The following ZBTB7C variants were observed in gnomAD, a reference collection of about 807,000 sequenced individuals.
ZBTB7C encodes the protein zinc finger and BTB domain containing 7C, also known as zinc finger and BTB domain-containing protein 7C.
ZBTB7C carries 8 observed loss-of-function variants against 25.7 expected under a neutral mutation model. That is an observed-to-expected ratio of 0.31 (90% confidence interval 0.18 to 0.56). The LOEUF (loss-of-function observed/expected upper bound fraction) is 0.56. ZBTB7C is among the 20% of genes least tolerant of loss of function. ZBTB7C has a pLI of 0.91. For missense variants in ZBTB7C, 824 were observed against 855.2 expected (o/e 0.96, Z 0.46); for synonymous variants, 394 against 369.0 (o/e 1.07, Z -0.78).
At chr18:48,124,427 T>C (rs2144737280) in intron 3 of ZBTB7C, among the ~76,000 whole-genome samples, 1 of 152,370 alleles carries the variant, frequency 6.6e-6, no homozygotes, top group Non-Finnish European at 1.5e-5. Context: ...GGTGTTTTGT[T>C]ACTAATTATC....
rs2035561853 is a variant in ZBTB7C at position 48,027,435 on chromosome 18, G to A, written c.*1825C>T. 6.6e-6 allele frequency: 1 copy of A among 151,996 alleles called. No homozygotes were observed. The highest frequency in any genetic ancestry group is 2.4e-5 in the African/African-American group (1 of 41,372). The allele number at this position is 151,996 out of a possible 1,614,324, so 9.4% of individuals were successfully genotyped here. ...CTTGGCTGATGGGGGGGAACACGGG[G>A]GCACGTTGGCTGGTGGACATGGGCA... On this transcript the variant is annotated 3_prime_UTR_variant, in exon 5 of 5. Transcript: ENST00000590800.
rs1456651329 is a variant in ZBTB7C, at chr18:48,027,816, AAAGAG to A, written c.*1439_*1443del. On this transcript the variant is annotated 3_prime_UTR_variant, in exon 5 of 5. Coordinates refer to ENST00000590800, the MANE Select transcript of ZBTB7C (RefSeq NM_001318841.2). ...AGAAACCAAAGCAAACTTGGCAAGA[AAAGAG>A]AGGGGAGGGAAGGAGAGAGAAGGTC... is the stretch of plus-strand genomic sequence containing the variant. 1 of 152,276 alleles carries A rather than the reference AAAGAG, an allele frequency of 6.6e-6. No homozygotes were observed. The highest frequency in any genetic ancestry group is 2.4e-5 in the African/African-American group (1 of 41,442). The allele number at this position is 152,276 out of a possible 1,614,324, so 9.4% of individuals were successfully genotyped here. A position where few individuals can be genotyped will look rare whatever the true frequency, so the allele number is the denominator to read the frequency against.
intron 1 of ZBTB7C, among the ~76,000 whole-genome samples, chr18:48,396,969 T>C (rs1432975276): frequency 5.3e-5 from 8 of 152,232 alleles, no homozygotes. Context: ...GTGCTGTTTG[T>C]TACATTTTTA....
At chr18:48,076,801 A>G (rs1230404661) in intron 3 of ZBTB7C, 1 of 365,280 alleles carries the variant, frequency 2.7e-6, no homozygotes, top group Non-Finnish European at 3.8e-6. Context: ...AGGGGTCCCA[A>G]AATGCACTGC....
chr18:48,193,640 C>T (rs373923204), intron 2 of ZBTB7C, among the ~76,000 whole-genome samples: 52 of 152,310 alleles, frequency 3.4e-4, no homozygotes, highest in Middle Eastern at 3.4e-3. Context: ...GAGATGACTC[C>T]CCTGGCTGCT....
At chr18:48,057,699 G>A (rs561770518) in intron 3 of ZBTB7C, among the ~76,000 whole-genome samples, 2 of 152,302 alleles carry the variant, frequency 1.3e-5, no homozygotes, top group Admixed American at 6.5e-5. Flanking sequence ...CTTCTAAATT[G>A]TCTTTGACAT....
chr18:48,116,235 T>C (rs2039436417), intron 3 of ZBTB7C, among the ~76,000 whole-genome samples: 1 of 152,120 alleles, frequency 6.6e-6, no homozygotes, highest in Non-Finnish European at 1.5e-5. Flanking sequence ...AGACGCCCTG[T>C]GCATGTCCCA....
chr18:48,195,124 T>A (rs1472900311), intron 2 of ZBTB7C, among the ~76,000 whole-genome samples: 1 of 152,246 alleles, frequency 6.6e-6, no homozygotes, highest in Non-Finnish European at 1.5e-5. Context: ...GTGAGCTACC[T>A]GAAAGATTTT....
chr18:48,368,755 C>G (rs1011753918), intron 1 of ZBTB7C, among the ~76,000 whole-genome samples: 1 of 151,758 alleles, frequency 6.6e-6, no homozygotes, highest in Non-Finnish European at 1.5e-5. Context: ...GGTTTCTCAT[C>G]AGAAACCATG....
chr18:48,168,184 CG>C (rs1360565578), intron 3 of ZBTB7C, among the ~76,000 whole-genome samples: 1 of 152,192 alleles, frequency 6.6e-6, no homozygotes, highest in African/African-American at 2.4e-5. Flanking sequence ...GGTGAGGCCC[CG>C]GCTGATTAAG....
chr18:48,161,930 C>T (rs998140759), intron 3 of ZBTB7C, among the ~76,000 whole-genome samples: 3 of 151,884 alleles, frequency 2.0e-5, no homozygotes, highest in African/African-American at 7.3e-5. Flanking sequence ...CCTCCCCACC[C>T]GCCCGCCTCC....
In ZBTB7C at chr18:48,129,630, T is replaced by A. The variant is rs1453919060; in HGVS notation, c.-17+56304A>T. On this transcript the variant is annotated intron_variant, in intron 3 of 4. Transcript: ENST00000590800. ...AAACACCCCAAAGCAGTGTCTCTAATGTCACTGGTGTGTGCATTTGCCCGG... is the reference window on the plus strand; with the variant it reads ...AAACACCCCAAAGCAGTGTCTCTAAAGTCACTGGTGTGTGCATTTGCCCGG... 8.5e-4 allele frequency among the ~76,000 whole-genome samples: 130 copies of A among 152,180 alleles called. 1 individual carries two copies. Among genetic ancestry groups the A allele is most frequent in the Non-Finnish European group, 5.9e-5 (4 of 68,026 alleles).
At chr18:48,390,830 G>A (rs1477974646) in intron 1 of ZBTB7C, among the ~76,000 whole-genome samples, 1 of 152,188 alleles carries the variant, frequency 6.6e-6, no homozygotes. Context: ...GGCTGGAGAG[G>A]GCTGTGCAGT....
At chr18:48,116,736 C>T (rs1230813008) in intron 3 of ZBTB7C, among the ~76,000 whole-genome samples, 1 of 152,102 alleles carries the variant, frequency 6.6e-6, no homozygotes, top group Non-Finnish European at 1.5e-5. Context: ...TCATCTATTG[C>T]TGTTGAAATC....
chr18:48,113,378 C>CA (rs2039315275), intron 3 of ZBTB7C, among the ~76,000 whole-genome samples: 1 of 152,128 alleles, frequency 6.6e-6, no homozygotes, highest in African/African-American at 2.4e-5. Context: ...CTGGGAAAGA[C>CA]AAAAAGAGAG....
chr18:48,227,318 G>A (rs2043129993), intron 2 of ZBTB7C, among the ~76,000 whole-genome samples: 1 of 152,206 alleles, frequency 6.6e-6, no homozygotes, highest in Non-Finnish European at 1.5e-5. Flanking sequence ...AGTTTAGAGG[G>A]CACCTTCAAA....
chr18:48,188,902 C>T (rs2042127921), intron 2 of ZBTB7C, among the ~76,000 whole-genome samples: 1 of 152,226 alleles, frequency 6.6e-6, no homozygotes, highest in Admixed American at 6.5e-5. Context: ...ATCAAGCCTT[C>T]CAGATCCCTC....
rs537190465 is a variant in ZBTB7C, at chr18:48,327,431, G to A, written c.-79+10743C>T. 4.6e-5 allele frequency among the ~76,000 whole-genome samples: 7 copies of A among 152,254 alleles called. No individual in the cohort carries two copies. The South Asian group carries it at 1.2e-3, about 27-fold the overall frequency. On this transcript the variant is annotated intron_variant, in intron 2 of 4. Coordinates refer to ENST00000590800, the MANE Select transcript of ZBTB7C (RefSeq NM_001318841.2). ...ATGTGGTATATGGAAAGAGCACAAG[G>A]CTGTGAGTCAGGAGATAGGAGTTCC...
At chr18:48,207,926 A>T (rs915919536) in intron 2 of ZBTB7C, among the ~76,000 whole-genome samples, 3 of 151,882 alleles carry the variant, frequency 2.0e-5, no homozygotes, top group Non-Finnish European at 4.4e-5. Flanking sequence ...AGTGCTGGGA[A>T]TGTTCTAGAA....
Sources: gnomAD v4.1 joint callset for allele counts (sites outside exome capture counted in the v4.1 genomes callset) on GRCh38, gnomAD v4.1.1 for gene constraint, MANE v1.5 for transcripts, NCBI Gene and HGNC (gene_info 2026-07-23, HGNC 2026-07-21) for gene names.